CNOT8: variants seen among roughly 807,000 people sequenced by gnomAD.
The protein encoded by CNOT8 is CAF1-like protein.
A neutral mutation model predicts 34.6 loss-of-function variants in CNOT8; 18 were observed. That is an observed-to-expected ratio of 0.52 (90% CI 0.36 to 0.77). CNOT8 has a LOEUF of 0.77. Ranked by LOEUF, CNOT8 falls within the 30% of genes least tolerant of loss-of-function variation. The pLI is 0.00. For synonymous variants in CNOT8, 101 were observed against 118.8 expected (o/e 0.85, Z 0.98); for missense variants, 189 against 347.9 (o/e 0.54, Z 3.63).
At chr5:154,865,856 A>G (rs929041193) in intron 3 of CNOT8, among the ~76,000 whole-genome samples, 2 of 152,196 alleles carry the variant, frequency 1.3e-5, no homozygotes, top group African/African-American at 2.4e-5. Context: ...TGACCTAGCA[A>G]TTCCACTCCT....
At chr5:154,859,355 C>G (rs141096863) in intron 1 of CNOT8, 8 of 152,234 alleles carry the variant, frequency 5.3e-5, no homozygotes, top group African/African-American at 1.9e-4. Flanking sequence ...TTCCTTAGTT[C>G]TTGCGGCCCC....
intron 1 of CNOT8, among the ~76,000 whole-genome samples, chr5:154,861,919 C>T (rs1761381806): frequency 6.6e-6 from 1 of 152,172 alleles, no homozygotes; most frequent in Non-Finnish European, 1.5e-5. Context: ...AGGATGGTCT[C>T]TATCTCCTGA....
rs1199006898 is a variant in CNOT8, at chr5:154,875,466, T to G, written c.*27T>G. On this transcript the variant is annotated 3_prime_UTR_variant, in exon 7 of 7. Coordinates refer to ENST00000285896, the MANE Select transcript of CNOT8 (RefSeq NM_001301073.2). The stretch of plus-strand genomic sequence containing the variant: ...GGCGCCAGGCTCTGCAGGGTGGGCC[T>G]GATCCCAGAGTGGTGCTTACTGTGC... 1 of 1,610,756 alleles carries G rather than the reference T, an allele frequency of 6.2e-7. No individual in the cohort carries two copies. Among genetic ancestry groups the G allele is most frequent in the East Asian group, 2.2e-5 (1 of 44,862 alleles).
At chr5:154,870,537 T>C in intron 3 of CNOT8, 124 bp from the exon 4 acceptor site, 1 of 657,898 alleles carries the variant, frequency 1.5e-6, no homozygotes, top group South Asian at 2.1e-5. Context: ...AGTGAATTGA[T>C]CTATTAAGTT....
chr5:154,871,280 C>T (rs1762457897), intron 4 of CNOT8, among the ~76,000 whole-genome samples: 1 of 152,010 alleles, frequency 6.6e-6, no homozygotes, highest in South Asian at 2.1e-4. Context: ...GATTATAGGC[C>T]GGGCGCAGTG....
In CNOT8 at chr5:154,871,615, A is replaced by G. The variant is rs1406310291; in HGVS notation, c.474-115A>G. The G allele has an allele frequency of 8.2e-6, 8 of 976,118 alleles. No individual in the cohort carries two copies. The Admixed American group carries it at 1.2e-4, about 15-fold the overall frequency. The allele number at this position is 976,118 out of a possible 1,614,324, so 60.5% of individuals were successfully genotyped here. ...TTATAGTACGATAAACTACTCAGAAAAAGTGAAAGTTCCTAACATGAAGTA... is the reference window on the plus strand; with the variant it reads ...TTATAGTACGATAAACTACTCAGAAGAAGTGAAAGTTCCTAACATGAAGTA... On this transcript the variant is annotated intron_variant, in intron 4 of 6. Transcript: ENST00000285896.
intron 6 of CNOT8, among the ~76,000 whole-genome samples, chr5:154,874,440 A>G (rs977723672): frequency 2.0e-5 from 3 of 151,876 alleles, no homozygotes; most frequent in African/African-American, 7.3e-5. Context: ...GTCAGGTGTG[A>G]TGACATGCAC....
Position 154,869,277 on chromosome 5 carries a change from G to C in CNOT8, c.312-1384G>C, listed in dbSNP as rs1375349721. On this transcript the variant is annotated intron_variant, in intron 3 of 6. Coordinates refer to ENST00000285896, the MANE Select transcript of CNOT8 (RefSeq NM_001301073.2). ...TGGGATTACAGGCATGTGCCACCACGCCCTGCTAATTTTGTATTTTTAGTA... is the reference window on the plus strand; with the variant it reads ...TGGGATTACAGGCATGTGCCACCACCCCCTGCTAATTTTGTATTTTTAGTA... 6.0e-5 allele frequency among the ~76,000 whole-genome samples: 9 copies of C among 151,162 alleles called. 1 individual carries two copies. The highest frequency in any genetic ancestry group is 1.3e-4 in the Non-Finnish European group (9 of 67,802).
chr5:154,868,936 C>G (rs1009780655), intron 3 of CNOT8, among the ~76,000 whole-genome samples: 4 of 152,148 alleles, frequency 2.6e-5, no homozygotes, highest in Admixed American at 2.0e-4. Flanking sequence ...GTCTTTTGCT[C>G]ATGGGCCTTG....
In CNOT8 at chr5:154,865,185, T is replaced by C; in HGVS notation, c.118-7T>C. On this transcript the variant is annotated splice_polypyrimidine_tract_variant and splice_region_variant and intron_variant, in intron 2 of 6. Coordinates refer to ENST00000285896, the MANE Select transcript of CNOT8 (RefSeq NM_001301073.2). ...ACCTTGTGATGAGAGACTTTTTCCT[T>C]TTCCAGGACACAGAATTTCCAGGTG... is the stretch of plus-strand genomic sequence containing the variant. 6.5e-7 allele frequency: 1 copy of C among 1,546,672 alleles called. No individual in the cohort carries two copies. The highest frequency in any genetic ancestry group is 8.7e-7 in the Non-Finnish European group (1 of 1,149,936).
upstream of CNOT8, chr5:154,858,432 GAGCGAACAC>G (rs1760995829): frequency 6.6e-6 from 1 of 152,294 alleles, no homozygotes; most frequent in African/African-American, 2.4e-5. Context: ...CTCACAGGCA[GAGCGAACAC>G]GCACGGAGTC....
At chr5:154,867,099 T>G (rs1761966420) in intron 3 of CNOT8, among the ~76,000 whole-genome samples, 1 of 152,226 alleles carries the variant, frequency 6.6e-6, no homozygotes, top group Non-Finnish European at 1.5e-5. Context: ...GAAAAGCAAG[T>G]GAAAGTCTAG....
chr5:154,870,712 A>G lies in CNOT8; in HGVS notation c.363A>G (p.Leu121=), dbSNP rs1183708956. 17 of 1,613,980 alleles carry G rather than the reference A, an allele frequency of 1.1e-5. No homozygotes were observed. In the South Asian group the frequency reaches 1.6e-4, roughly 16 times the overall value. ...TAGATCTCCTTGCTAACTCAGGACT[A>G]CAGTTTCAGAAGCATGAAGAGGAAG... is the stretch of plus-strand genomic sequence containing the variant. ...DSIDLLANSG[L]QFQKHEEEGI... Residue 121 remains leucine, a synonymous_variant, in exon 4 of 7, where the codon CTA becomes CTG. Transcript: ENST00000285896.
At chr5:154,871,559 C>CA (rs372899952) in intron 4 of CNOT8, among the ~76,000 whole-genome samples, 171 bp from the exon 5 acceptor site, 6,625 of 54,682 alleles carry the variant, frequency 0.12, 412 homozygotes, top group African/African-American at 0.19. Flanking sequence ...GACTCTGTCT[C>CA]AAAAAAAAAA....
chr5:154,864,641 T>C (rs1761691206), intron 2 of CNOT8, among the ~76,000 whole-genome samples: 1 of 152,216 alleles, frequency 6.6e-6, no homozygotes, highest in Non-Finnish European at 1.5e-5. Context: ...TGACTGCATA[T>C]CTACCTGTAG....
At chr5:154,862,480 A>T (rs1761446187) in intron 1 of CNOT8, among the ~76,000 whole-genome samples, 1 of 152,156 alleles carries the variant, frequency 6.6e-6, no homozygotes, top group Non-Finnish European at 1.5e-5. Context: ...AAAAAAAAAA[A>T]AGTAAATACT....
At chr5:154,858,421 C>T (rs1248295473), upstream of CNOT8, 2 of 152,234 alleles carry the variant, frequency 1.3e-5, no homozygotes, top group African/African-American at 4.8e-5. Flanking sequence ...CTTCCCGCGA[C>T]CTCACAGGCA....
At chr5:154,862,789 C>T (rs2560069) in intron 1 of CNOT8, among the ~76,000 whole-genome samples, 7,619 of 152,210 alleles carry the variant, frequency 0.05, 330 homozygotes, top group African/African-American at 0.12. Flanking sequence ...TTTCAGAGAT[C>T]TCAGGTACAT....
At chr5:154,859,427 C>CT (rs1761110643) in intron 1 of CNOT8, 2 of 152,310 alleles carry the variant, frequency 1.3e-5, no homozygotes, top group African/African-American at 4.8e-5. Context: ...AGACCTGGGC[C>CT]ATTCGGGTGG....
Sources: gnomAD v4.1 joint callset for allele counts (sites outside exome capture counted in the v4.1 genomes callset) on GRCh38, gnomAD v4.1.1 for gene constraint, MANE v1.5 for transcripts, NCBI Gene and HGNC (gene_info 2026-07-23, HGNC 2026-07-21) for gene names.